The following TBC1D19 variants were observed in gnomAD, a reference collection of about 807,000 sequenced individuals.
The protein encoded by TBC1D19 is TBC1 domain family member 19, also known as TBC1 domain family, member 19.
Under a neutral mutation model 89.0 loss-of-function variants are expected in TBC1D19, and 60 were observed. The observed-to-expected ratio is 0.67, with a 90% confidence interval of 0.55 to 0.84. The LOEUF (loss-of-function observed/expected upper bound fraction) is 0.84, where lower values mean the gene tolerates loss of function less well. Ranked by LOEUF, TBC1D19 falls within the 40% of genes least tolerant of loss-of-function variation. The probability of loss-of-function intolerance (pLI) is 0.00; values close to 1 mark genes in which losing one functional copy is unlikely to be tolerated. For missense variants in TBC1D19, 500 were observed against 610.8 expected, an observed-to-expected ratio of 0.82 and a Z score of 1.91; for synonymous variants, 189 against 199.7, an observed-to-expected ratio of 0.95 and a Z score of 0.45.
chr4:26,609,662 G>C (rs1048893967), intron 1 of TBC1D19, among the ~76,000 whole-genome samples: 2 of 151,982 alleles, frequency 1.3e-5, no homozygotes, highest in African/African-American at 4.8e-5. Context: ...AGATAAGTTG[G>C]GTCTACATTG....
chr4:26,703,244 A>G (rs887655915), intron 13 of TBC1D19, among the ~76,000 whole-genome samples: 2 of 152,222 alleles, frequency 1.3e-5, no homozygotes, highest in African/African-American at 4.8e-5. Flanking sequence ...TCATGGTGAT[A>G]CTTTTTAATT....
chr4:26,819,834 T>TGAGTA, the TBC1D19 span, among the ~76,000 whole-genome samples: 2 of 152,194 alleles, frequency 1.3e-5, no homozygotes, highest in Non-Finnish European at 2.9e-5. Flanking sequence ...CCTTGCCTCT[T>TGAGTA]GCTATTCCTC....
chr4:26,821,809 G>C, the TBC1D19 span, among the ~76,000 whole-genome samples: 1 of 152,190 alleles, frequency 6.6e-6, no homozygotes, highest in Non-Finnish European at 1.5e-5. Flanking sequence ...GCAGGTACCC[G>C]TTCTTTATGT....
intron 7 of TBC1D19, among the ~76,000 whole-genome samples, chr4:26,646,617 C>T (rs1222046022): frequency 6.6e-6 from 1 of 151,710 alleles, no homozygotes; most frequent in Admixed American, 6.6e-5. Flanking sequence ...ACTATGCAGC[C>T]ATTAAAAAGG....
At chr4:26,598,504 C>G (rs905984063) in intron 1 of TBC1D19, among the ~76,000 whole-genome samples, 1 of 152,218 alleles carries the variant, frequency 6.6e-6, no homozygotes, top group Admixed American at 6.5e-5. Context: ...ACGCCATTCT[C>G]CTGTCTCAGC....
chr4:26,733,273 A>G (rs1044689229), intron 15 of TBC1D19, among the ~76,000 whole-genome samples: 2 of 152,240 alleles, frequency 1.3e-5, no homozygotes, highest in Non-Finnish European at 2.9e-5. Flanking sequence ...AACATCAACA[A>G]TTAACATTTG....
intron 11 of TBC1D19, among the ~76,000 whole-genome samples, chr4:26,683,301 A>G (rs1230873436): frequency 6.6e-6 from 1 of 152,158 alleles, no homozygotes; most frequent in Non-Finnish European, 1.5e-5. Context: ...CTCAAGCATA[A>G]ATGGGAATAA....
chr4:26,577,613 A>G (rs1739000515), intron 1 of TBC1D19, among the ~76,000 whole-genome samples: 1 of 152,184 alleles, frequency 6.6e-6, no homozygotes, highest in Non-Finnish European at 1.5e-5. Flanking sequence ...TTGAGTACAA[A>G]GAGTCTAATA....
At chr4:26,807,196 CCA>C in the TBC1D19 span, among the ~76,000 whole-genome samples, 1 of 152,110 alleles carries the variant, frequency 6.6e-6, no homozygotes, top group Non-Finnish European at 1.5e-5. Context: ...CAGCAGGGAT[CCA>C]GAGTCCCCCA....
intron 15 of TBC1D19, among the ~76,000 whole-genome samples, chr4:26,734,982 GTA>G (rs1287705376): frequency 6.7e-6 from 1 of 149,068 alleles, no homozygotes; most frequent in Non-Finnish European, 1.5e-5. Flanking sequence ...ATACACATAT[GTA>G]TATGTATATA....
intron 9 of TBC1D19, among the ~76,000 whole-genome samples, chr4:26,670,105 A>G (rs969197996): frequency 2.0e-5 from 3 of 151,782 alleles, no homozygotes; most frequent in African/African-American, 7.2e-5. Flanking sequence ...GTTTCATGCT[A>G]TTATAGTGTT....
the TBC1D19 span, among the ~76,000 whole-genome samples, chr4:26,822,432 G>A: frequency 9.8e-5 from 15 of 152,310 alleles, no homozygotes; most frequent in East Asian, 7.7e-4. Context: ...ACAGGAGCAC[G>A]AAACCCTTTT....
chr4:26,726,642 C>A (rs1270288482), intron 15 of TBC1D19, among the ~76,000 whole-genome samples: 3 of 152,102 alleles, frequency 2.0e-5, no homozygotes. Context: ...TTCTTACTGA[C>A]CTGTAGGCTA....
the TBC1D19 span, among the ~76,000 whole-genome samples, chr4:26,811,426 A>G: frequency 6.6e-6 from 1 of 152,224 alleles, no homozygotes; most frequent in Non-Finnish European, 1.5e-5. Context: ...AGAAGTGAGC[A>G]TTGACTTTGA....
intron 7 of TBC1D19, among the ~76,000 whole-genome samples, chr4:26,642,834 A>G (rs572426946): frequency 6.7e-6 from 1 of 148,396 alleles, no homozygotes; most frequent in East Asian, 2.0e-4. Context: ...GAGACAAAGA[A>G]GGCCATTACA....
intron 3 of TBC1D19, among the ~76,000 whole-genome samples, chr4:26,615,460 T>A (rs78648295): frequency 0.019 from 2,939 of 152,010 alleles, 101 homozygotes; most frequent in African/African-American, 0.068. Flanking sequence ...GTCTGCTTTT[T>A]TTTTTTTTCC....
upstream of TBC1D19, among the ~76,000 whole-genome samples, chr4:26,580,647 C>G (rs1739045749): frequency 6.6e-6 from 1 of 152,178 alleles, no homozygotes; most frequent in African/African-American, 2.4e-5. Flanking sequence ...TGTCAACAAA[C>G]AGTTGAATTT....
At chr4:26,642,435 A>G (rs550515437) in intron 7 of TBC1D19, among the ~76,000 whole-genome samples, 1 of 152,222 alleles carries the variant, frequency 6.6e-6, no homozygotes, top group Non-Finnish European at 1.5e-5. Flanking sequence ...GGAAGCACTA[A>G]ACATGGAAAG....
At chr4:26,610,549 C>T (rs1265063695) in intron 1 of TBC1D19, among the ~76,000 whole-genome samples, 1 of 151,662 alleles carries the variant, frequency 6.6e-6, no homozygotes, top group Non-Finnish European at 1.5e-5. Flanking sequence ...TATTTCGTCA[C>T]CCAGATAGTG....
Sources: gnomAD v4.1 joint callset for allele counts (sites outside exome capture counted in the v4.1 genomes callset) on GRCh38, gnomAD v4.1.1 for gene constraint, MANE v1.5 for transcripts, NCBI Gene and HGNC (gene_info 2026-07-23, HGNC 2026-07-21) for gene names.